The following ARHGEF26 variants were observed in gnomAD, a reference collection of about 807,000 sequenced individuals.
The protein encoded by ARHGEF26 is Rho guanine nucleotide exchange factor (GEF) 26.
A neutral mutation model predicts 89.4 loss-of-function variants in ARHGEF26; 59 were observed. The observed-to-expected ratio is 0.66, with a 90% CI of 0.54 to 0.82. The LOEUF (loss-of-function observed/expected upper bound fraction) is 0.82. ARHGEF26 is among the 40% of genes least tolerant of loss of function. The pLI is 0.00. For missense variants in ARHGEF26, 1,234 were observed against 1,085.6 expected, an observed-to-expected ratio of 1.14 and a Z score of -1.92; for synonymous variants, 500 against 428.4, an observed-to-expected ratio of 1.17 and a Z score of -2.06.
chr3:154,157,443 C>T (rs1462514723), intron 6 of ARHGEF26, among the ~76,000 whole-genome samples: 1 of 152,062 alleles, frequency 6.6e-6, no homozygotes, highest in East Asian at 1.9e-4. Context: ...CATTATGTGC[C>T]CTGCTGAGGC....
At chr3:154,129,761 C>T (rs1379253238) in intron 4 of ARHGEF26, 42 bp downstream of exon 4, 1 of 1,565,278 alleles carries the variant, frequency 6.4e-7, no homozygotes, top group South Asian at 1.2e-5. Context: ...AGGAAAAAAA[C>T]AAGTTTTGGA....
At chr3:154,250,556 C>T (rs1307696741) in intron 12 of ARHGEF26, among the ~76,000 whole-genome samples, 2 of 152,204 alleles carry the variant, frequency 1.3e-5, no homozygotes, top group South Asian at 4.1e-4. Flanking sequence ...TTCATCTGGA[C>T]TTCTGGAAAC....
intron 6 of ARHGEF26, among the ~76,000 whole-genome samples, chr3:154,181,027 G>A (rs531460643): frequency 6.6e-6 from 1 of 152,274 alleles, no homozygotes; most frequent in East Asian, 1.9e-4. Flanking sequence ...AGTTACTGAT[G>A]CCTGCCATGG....
In ARHGEF26 at chr3:154,191,481, A is replaced by C. The variant is rs1713956430; in HGVS notation, c.1770+63A>C. ...TGTGCTTCTCTAAATCTGATTTAGAAAATTATTATTATTCCACTTAAATTG... is the reference window on the plus strand; with the variant it reads ...TGTGCTTCTCTAAATCTGATTTAGACAATTATTATTATTCCACTTAAATTG... On this transcript the variant is annotated intron_variant, in intron 8 of 14. Transcript: ENST00000465093. 4 of 1,536,944 alleles carry C rather than the reference A, an allele frequency of 2.6e-6. No individual in the cohort carries two copies. The South Asian group carries it at 5.1e-5, about 20-fold the overall frequency.
intron 1 of ARHGEF26, among the ~76,000 whole-genome samples, 161 bp from the exon 2 acceptor site, chr3:154,121,781 C>A (rs1011289945): frequency 6.6e-6 from 1 of 152,174 alleles, no homozygotes. Context: ...CCGGGAACCG[C>A]GCACCGCAGT....
intron 6 of ARHGEF26, among the ~76,000 whole-genome samples, chr3:154,171,812 T>A (rs357484): frequency 0.52 from 78,012 of 151,448 alleles, 20,191 homozygotes; most frequent in Non-Finnish European, 0.53. Context: ...GATAGAGAAG[T>A]TAAAGCTGAG....
Position 154,257,691 on chromosome 3 carries a change from T to C in ARHGEF26, c.*2218T>C, listed in dbSNP as rs1299266369. The stretch of plus-strand genomic sequence containing the variant: ...AAGTTTTTTCAAACCTAGTTGTTTC[T>C]ATGGACACCTGCTCTGAATTGTACA... On this transcript the variant is annotated 3_prime_UTR_variant, in exon 15 of 15. Coordinates refer to ENST00000465093, the MANE Select transcript of ARHGEF26 (RefSeq NM_015595.4). The C allele has an allele frequency of 6.6e-6, 1 of 152,198 alleles. No individual in the cohort carries two copies. The highest frequency in any genetic ancestry group is 2.4e-5 in the African/African-American group (1 of 41,444). The allele number at this position is 152,198 out of a possible 1,614,324, so 9.4% of individuals were successfully genotyped here. A position where few individuals can be genotyped will look rare whatever the true frequency, so the allele number is the denominator to read the frequency against.
chr3:154,215,838 G>A (rs1048647854), intron 9 of ARHGEF26, among the ~76,000 whole-genome samples: 8 of 151,994 alleles, frequency 5.3e-5, no homozygotes, highest in Admixed American at 1.3e-4. Context: ...ACATTGCCTC[G>A]TAATATTATC....
chr3:154,160,300 G>A (rs1711581336), intron 6 of ARHGEF26, among the ~76,000 whole-genome samples: 1 of 152,112 alleles, frequency 6.6e-6, no homozygotes, highest in African/African-American at 2.4e-5. Context: ...ATAGGTAGTT[G>A]TTTAGGTATT....
At chr3:154,121,265 G>A (rs1165962389), upstream of ARHGEF26, 1 of 152,414 alleles carries the variant, frequency 6.6e-6, no homozygotes, top group East Asian at 1.9e-4. Context: ...AGGGAGACTG[G>A]GGCTGATTGT....
chr3:154,253,143 C>T lies in ARHGEF26; in HGVS notation c.2328C>T (p.Ala776=). The T allele has an allele frequency of 6.2e-7, 1 of 1,614,000 alleles. No homozygotes were observed. The highest frequency in any genetic ancestry group is 8.5e-7 in the Non-Finnish European group (1 of 1,179,870). ...TQSERARWIT[A]LGHSSGKPPA... is the part of the protein sequence containing the mutation. Reference sequence around the variant, plus strand: ...GCGAGCGAGCCCGCTGGATAACTGCCCTGGGACACAGCAGCGGGAAGCCGC... The same window carrying T: ...GCGAGCGAGCCCGCTGGATAACTGCTCTGGGACACAGCAGCGGGAAGCCGC... Residue 776 remains alanine (A), a synonymous_variant, in exon 13 of 15, where the codon GCC becomes GCT. Coordinates refer to ENST00000465093, the MANE Select transcript of ARHGEF26 (RefSeq NM_015595.4).
intron 9 of ARHGEF26, among the ~76,000 whole-genome samples, chr3:154,207,881 T>C (rs770423392): frequency 6.6e-6 from 1 of 152,000 alleles, no homozygotes; most frequent in Non-Finnish European, 1.5e-5. Flanking sequence ...ATAAAGAAAA[T>C]GTACATATAC....
chr3:154,230,736 G>GT (rs903895509), intron 11 of ARHGEF26, among the ~76,000 whole-genome samples: 11 of 152,014 alleles, frequency 7.2e-5, no homozygotes, highest in African/African-American at 2.7e-4. Flanking sequence ...TAAATACTGT[G>GT]TATAGCTTGA....
chr3:154,184,728 C>CTGTTCCTCCCTACTAG, intron 6 of ARHGEF26, among the ~76,000 whole-genome samples: 1 of 152,356 alleles, frequency 6.6e-6, no homozygotes. Context: ...TGCTTGCCAT[C>CTGTTCCTCCCTACTAG]TGTTCCTCCC....
rs373831084 is a variant in ARHGEF26 at position 154,123,074 on chromosome 3, A to T, written c.1082A>T (p.Lys361Met). 1 of 1,613,688 alleles carries T rather than the reference A, an allele frequency of 6.2e-7. No individual in the cohort carries two copies. The highest frequency in any genetic ancestry group is 1.7e-5 in the Admixed American group (1 of 60,008). Reference sequence around the variant, plus strand: ...AAGTTTTCCAGTCTGGGAAGGATAAAGGTAAAAGTGGGCAGGAGTGTGGCA... The same window carrying T: ...AAGTTTTCCAGTCTGGGAAGGATAATGGTAAAAGTGGGCAGGAGTGTGGCA... ...KEKFSSLGRI[K>M]KKMLKGQGTF... Residue 361 changes from lysine (K) to methionine (M), a missense_variant and splice_region_variant, in exon 2 of 15, where the codon AAG becomes ATG. Coordinates refer to ENST00000465093, the MANE Select transcript of ARHGEF26 (RefSeq NM_015595.4).
At chr3:154,124,590 C>G in intron 3 of ARHGEF26, 141 bp downstream of exon 3, 4 of 721,722 alleles carry the variant, frequency 5.5e-6, no homozygotes, top group South Asian at 2.5e-5. Flanking sequence ...TCCAAAGCTT[C>G]TCACTAAGCT....
At chr3:154,136,548 A>G (rs2108063593) in intron 4 of ARHGEF26, among the ~76,000 whole-genome samples, 1 of 152,312 alleles carries the variant, frequency 6.6e-6, no homozygotes, top group Non-Finnish European at 1.5e-5. Flanking sequence ...ACACTTTGGC[A>G]TCTTAGTAGT....
intron 12 of ARHGEF26, among the ~76,000 whole-genome samples, chr3:154,245,713 T>TC (rs1286756159): frequency 1.3e-5 from 2 of 152,304 alleles, no homozygotes; most frequent in East Asian, 1.9e-4. Context: ...GACTCCAAAC[T>TC]CCCAGCCTCC....
intron 6 of ARHGEF26, among the ~76,000 whole-genome samples, chr3:154,173,536 A>G (rs772105937): frequency 6.6e-6 from 1 of 152,204 alleles, no homozygotes; most frequent in Non-Finnish European, 1.5e-5. Context: ...TTACAACCAT[A>G]CATTTGTCAA....
Sources: allele counts gnomAD v4.1 joint callset (sites outside exome capture counted in the v4.1 genomes callset), GRCh38; gene constraint gnomAD v4.1.1; transcripts MANE v1.5; gene names NCBI Gene and HGNC (gene_info 2026-07-23, HGNC 2026-07-21).